Variants in EPHA7 observed in about 807,000 individuals in gnomAD.
The protein encoded by EPHA7 is ephrin type-A receptor 7.
EPHA7 carries 25 observed loss-of-function variants against 112.6 expected under a neutral mutation model. The observed-to-expected ratio is 0.22, with a 90% CI of 0.16 to 0.31. The LOEUF (loss-of-function observed/expected upper bound fraction) is 0.31. Among genes scored for constraint, EPHA7 ranks in the 10% least tolerant of loss-of-function variants. The probability of loss-of-function intolerance (pLI) is 1.00; values close to 1 mark genes in which losing one functional copy is unlikely to be tolerated. For synonymous variants in EPHA7, 437 were observed against 406.5 expected (o/e 1.07, Z -0.90); for missense variants, 962 against 1,212.6 (o/e 0.79, Z 3.07).
chr6:93,366,695 C>T (rs577480882), intron 3 of EPHA7, among the ~76,000 whole-genome samples: 3 of 152,250 alleles, frequency 2.0e-5, no homozygotes, highest in Admixed American at 6.5e-5. Context: ...GTCTGCCAAC[C>T]GGTTTACCTC....
At chr6:93,396,349 G>A (rs749278653) in intron 3 of EPHA7, among the ~76,000 whole-genome samples, 15 of 151,610 alleles carry the variant, frequency 9.9e-5, no homozygotes, top group Non-Finnish European at 2.2e-4. Context: ...GTACATACCT[G>A]AAAAAAATTC....
intron 7 of EPHA7, 77 bp from the exon 8 acceptor site, chr6:93,264,779 T>A: frequency 1.4e-6 from 1 of 693,762 alleles, no homozygotes; most frequent in Non-Finnish European, 2.3e-6. Context: ...ATTAGAGTTA[T>A]CTTTTCTATT....
At chr6:93,275,289 T>A (rs926533476) in intron 5 of EPHA7, among the ~76,000 whole-genome samples, 1 of 151,782 alleles carries the variant, frequency 6.6e-6, no homozygotes, top group Non-Finnish European at 1.5e-5. Flanking sequence ...TAATAAATAG[T>A]AACCAACAAC....
intron 3 of EPHA7, among the ~76,000 whole-genome samples, chr6:93,398,457 A>G (rs1316488336): frequency 6.6e-6 from 1 of 152,042 alleles, no homozygotes; most frequent in East Asian, 1.9e-4. Flanking sequence ...AATGTGCCAT[A>G]CCGTATGATT....
At chr6:93,405,850 T>A (rs423131) in intron 3 of EPHA7, among the ~76,000 whole-genome samples, 229 of 121,150 alleles carry the variant, frequency 1.9e-3, no homozygotes, top group Middle Eastern at 4.5e-3. Flanking sequence ...TATATATATA[T>A]AAATGATTAT....
intron 7 of EPHA7, among the ~76,000 whole-genome samples, chr6:93,265,771 G>A (rs557595422): frequency 6.6e-6 from 1 of 151,708 alleles, no homozygotes; most frequent in Non-Finnish European, 1.5e-5. Context: ...AGGCAGGATG[G>A]GAAATACCAT....
At chr6:93,341,079 T>G (rs1449605884) in intron 5 of EPHA7, among the ~76,000 whole-genome samples, 1 of 151,926 alleles carries the variant, frequency 6.6e-6, no homozygotes, top group Non-Finnish European at 1.5e-5. Flanking sequence ...GGGTAAGCAT[T>G]ATAACCTATT....
chr6:93,369,996 T>G (rs1244422981), intron 3 of EPHA7, among the ~76,000 whole-genome samples: 1 of 152,164 alleles, frequency 6.6e-6, no homozygotes, highest in Non-Finnish European at 1.5e-5. Flanking sequence ...CTTTCAGTCT[T>G]TAAGTCTCCC....
At chr6:93,388,442 T>C (rs554502658) in intron 3 of EPHA7, among the ~76,000 whole-genome samples, 1 of 152,286 alleles carries the variant, frequency 6.6e-6, no homozygotes, top group South Asian at 2.1e-4. Context: ...CTTCCTGCTT[T>C]ACAGAAGTTA....
At chr6:93,412,265 T>C (rs946894057) in intron 2 of EPHA7, among the ~76,000 whole-genome samples, 1 of 151,962 alleles carries the variant, frequency 6.6e-6, no homozygotes, top group Non-Finnish European at 1.5e-5. Flanking sequence ...TTGCATAGCA[T>C]GCAATATTTT....
chr6:93,306,679 T>C (rs1278311043), intron 5 of EPHA7, among the ~76,000 whole-genome samples: 15 of 152,060 alleles, frequency 9.9e-5, no homozygotes, highest in Non-Finnish European at 2.1e-4. Flanking sequence ...CTAAATCCCA[T>C]GTGCAGTTCA....
At chr6:93,405,311 A>T (rs561722228) in intron 3 of EPHA7, among the ~76,000 whole-genome samples, 367 of 151,996 alleles carry the variant, frequency 2.4e-3, no homozygotes, top group Non-Finnish European at 4.5e-3. Context: ...TTAACTTTGG[A>T]CATTTAGGTT....
intron 5 of EPHA7, among the ~76,000 whole-genome samples, chr6:93,342,013 T>C (rs1775163176): frequency 1.3e-5 from 2 of 151,714 alleles, no homozygotes; most frequent in Non-Finnish European, 1.5e-5. Context: ...CAAGCACACA[T>C]AATTCTGAAG....
At chr6:93,311,373 C>A (rs1773533345) in intron 5 of EPHA7, among the ~76,000 whole-genome samples, 3 of 152,000 alleles carry the variant, frequency 2.0e-5, no homozygotes, top group African/African-American at 7.2e-5. Context: ...ATTTTAAGTC[C>A]TTCTTTGTCA....
chr6:93,306,724 A>C (rs1363593315), intron 5 of EPHA7, among the ~76,000 whole-genome samples: 5 of 152,040 alleles, frequency 3.3e-5, no homozygotes, highest in Admixed American at 2.6e-4. Context: ...TAAATAATAC[A>C]TCTCCTATAA....
At chr6:93,330,711 A>G (rs1327317071) in intron 5 of EPHA7, among the ~76,000 whole-genome samples, 1 of 151,356 alleles carries the variant, frequency 6.6e-6, no homozygotes, top group Non-Finnish European at 1.5e-5. Flanking sequence ...GGTTGATTTC[A>G]TATCTTCGCT....
intron 5 of EPHA7, among the ~76,000 whole-genome samples, chr6:93,304,185 A>G (rs1009447649): frequency 2.0e-5 from 3 of 151,846 alleles, no homozygotes; most frequent in African/African-American, 7.3e-5. Context: ...CTACAAGTAT[A>G]TACTTGTAGT....
chr6:93,410,660 A>T lies in EPHA7; in HGVS notation c.673T>A (p.Ser225Thr). The change falls in exon 3 of 17, where the codon TCC (serine) becomes ACC (threonine). Residue 225 changes from serine (S) to threonine (T), a missense_variant. By Grantham distance (58) the Ser-to-Thr change is moderately conservative. This residue lies in a region of EPHA7 where 160 missense variants were observed against 263.6 expected (regional missense o/e 0.61). Coordinates refer to ENST00000369303, the MANE Select transcript of EPHA7 (RefSeq NM_004440.4). This position sits in a 1 kb window ranked among gnomAD's most constrained non-coding sequence, Gnocchi z 4.0. ...GTCCCTCGAACCTCGACTAAAGAGG[A>T]AAATTCTGAACCAGTCACTGTATCT... ...FPDTVTGSEFSSLVEVRGTCV... is the reference protein window; with the variant it reads ...FPDTVTGSEFTSLVEVRGTCV... 2 of 1,614,060 alleles carry T rather than the reference A, an allele frequency of 1.2e-6. No homozygotes were observed. Among genetic ancestry groups the T allele is most frequent in the Non-Finnish European group, 1.7e-6 (2 of 1,179,968 alleles).
chr6:93,271,718 T>C (rs963056514), intron 6 of EPHA7, among the ~76,000 whole-genome samples: 1 of 151,952 alleles, frequency 6.6e-6, no homozygotes. Flanking sequence ...ATAATATTTT[T>C]CCTGGAAGGA....
Sources: allele counts gnomAD v4.1 joint callset (sites outside exome capture counted in the v4.1 genomes callset), GRCh38; gene constraint gnomAD v4.1.1; regional missense constraint gnomAD v4.1.1; non-coding constraint Gnocchi (gnomAD v3.1); transcripts MANE v1.5; gene names NCBI Gene and HGNC (gene_info 2026-07-23, HGNC 2026-07-21).